Variants in BRAF observed in about 807,000 individuals in gnomAD.
BRAF encodes serine/threonine-protein kinase B-raf.
Under a neutral mutation model 104.6 loss-of-function variants are expected in BRAF, and 16 were observed. That is an observed-to-expected ratio of 0.15 (90% CI 0.10 to 0.23). The LOEUF (loss-of-function observed/expected upper bound fraction) is 0.23, where lower values mean the gene tolerates loss of function less well. Ranked by LOEUF, BRAF falls within the 10% of genes least tolerant of loss-of-function variation. The pLI is 1.00. For missense variants in BRAF, 541 were observed against 937.3 expected (o/e 0.58, Z 5.52); for synonymous variants, 310 against 341.6 (o/e 0.91, Z 1.02).
intron 5 of BRAF, 119 bp downstream of exon 5, chr7:140,807,841 C>A: frequency 5.6e-6 from 4 of 709,604 alleles, no homozygotes; most frequent in South Asian, 5.3e-5. Flanking sequence ...CTGATTTCAA[C>A]TCAGGTAAAA....
At chr7:140,836,203 G>C (rs1289513708) in intron 2 of BRAF, 2 of 152,130 alleles carry the variant, frequency 1.3e-5, no homozygotes, top group Non-Finnish European at 2.9e-5. Context: ...CATAGCAAAA[G>C]ATCAATATAT....
rs377670960 is a variant in BRAF, at chr7:140,919,453, A to T, written c.138+5113T>A. ...CATAGTCTTGATACAGGAAGGAATT[A>T]GAATAATAGTTTTTTTTTTTAAGCC... On this transcript the variant is annotated intron_variant, in intron 1 of 19. Coordinates refer to ENST00000644969, the MANE Select transcript of BRAF (RefSeq NM_001374258.1). 7.9e-5 allele frequency among the ~76,000 whole-genome samples: 12 copies of T among 152,274 alleles called. 1 individual carries two copies. In the South Asian group the frequency reaches 8.3e-4, roughly 11 times the overall value.
At chr7:140,863,162 T>G (rs982981873) in intron 1 of BRAF, among the ~76,000 whole-genome samples, 3 of 151,762 alleles carry the variant, frequency 2.0e-5, no homozygotes, top group African/African-American at 7.3e-5. Context: ...TTTATAAAGA[T>G]AAAACAAATG....
intron 1 of BRAF, among the ~76,000 whole-genome samples, chr7:140,853,708 T>C (rs1809450052): frequency 6.6e-6 from 1 of 152,218 alleles, no homozygotes; most frequent in Non-Finnish European, 1.5e-5. Flanking sequence ...CCTTCTCATT[T>C]AGAAAGGCTC....
chr7:140,762,945 A>T (rs1460088715), intron 14 of BRAF, among the ~76,000 whole-genome samples: 2 of 152,226 alleles, frequency 1.3e-5, no homozygotes, highest in Non-Finnish European at 2.9e-5. Context: ...GATCAACAGG[A>T]TCACAAGGCA....
chr7:140,730,364 G>A (rs1416926224), intron 19 of BRAF, among the ~76,000 whole-genome samples: 1 of 151,784 alleles, frequency 6.6e-6, no homozygotes, highest in East Asian at 1.9e-4. Context: ...GATAATTTAA[G>A]CTGCATCTTC....
chr7:140,805,047 G>A (rs1268727489), intron 5 of BRAF, among the ~76,000 whole-genome samples: 2 of 151,850 alleles, frequency 1.3e-5, no homozygotes, highest in Non-Finnish European at 2.9e-5. Context: ...CAAGTGATCT[G>A]CCTGCCTCGG....
intron 8 of BRAF, among the ~76,000 whole-genome samples, chr7:140,791,435 G>A (rs997182755): frequency 1.3e-5 from 2 of 152,024 alleles, no homozygotes; most frequent in Non-Finnish European, 2.9e-5. Flanking sequence ...GTTATCTGGG[G>A]CTAGACTTAG....
At chr7:140,858,412 A>G (rs1423566482) in intron 1 of BRAF, among the ~76,000 whole-genome samples, 1 of 152,250 alleles carries the variant, frequency 6.6e-6, no homozygotes, top group Non-Finnish European at 1.5e-5. Flanking sequence ...AACATTCTCT[A>G]AGACATTTTT....
Position 140,843,776 on chromosome 7 carries a change from C to T in BRAF, c.240+6335G>A, listed in dbSNP as rs566661185. ...ATCCCAGCACTTTGGGAGGCTGAGGCGGGCGGATCACGAGGTCAGGAGATC... is the reference window on the plus strand; with the variant it reads ...ATCCCAGCACTTTGGGAGGCTGAGGTGGGCGGATCACGAGGTCAGGAGATC... On this transcript the variant is annotated intron_variant, in intron 2 of 19. Transcript: ENST00000644969. Among the ~76,000 whole-genome samples, 8 of 152,144 alleles carry T rather than the reference C, an allele frequency of 5.3e-5. No homozygotes were observed. The South Asian group carries it at 1.4e-3, about 28-fold the overall frequency.
rs189368839 is a variant in BRAF, at chr7:140,773,942, A to G, written c.1814+2970T>C. Among the ~76,000 whole-genome samples the G allele has an allele frequency of 3.3e-5, 5 of 152,272 alleles. No homozygotes were observed. The East Asian group carries it at 7.7e-4, about 24-fold the overall frequency. ...TCCATGCTTTAAAAAAAATTCCTTTATTACAGTTTTAGTGGAGTTCCAGGA... is the reference window on the plus strand; with the variant it reads ...TCCATGCTTTAAAAAAAATTCCTTTGTTACAGTTTTAGTGGAGTTCCAGGA... On this transcript the variant is annotated intron_variant, in intron 14 of 19. Coordinates refer to ENST00000644969, the MANE Select transcript of BRAF (RefSeq NM_001374258.1).
intron 3 of BRAF, among the ~76,000 whole-genome samples, chr7:140,827,358 T>G (rs555766488): frequency 1.3e-5 from 2 of 152,062 alleles, no homozygotes; most frequent in Non-Finnish European, 2.9e-5. Flanking sequence ...AGTGCCTGAG[T>G]GCTATTACCA....
chr7:140,858,186 T>C (rs1810012817), intron 1 of BRAF, among the ~76,000 whole-genome samples: 1 of 152,134 alleles, frequency 6.6e-6, no homozygotes, highest in Non-Finnish European at 1.5e-5. Context: ...GGGGAAAACA[T>C]ACCTTCAAGT....
chr7:140,812,160 C>CTGTGTGTGTGTGTGTGTGTGTG (rs201757515), intron 3 of BRAF, among the ~76,000 whole-genome samples: 54 of 140,628 alleles, frequency 3.8e-4, no homozygotes, highest in Admixed American at 1.0e-3. Context: ...GCATGCACAC[C>CTGTGTGTGTGTGTGTGTGTGTG]TGTGTGTGTG....
intron 1 of BRAF, among the ~76,000 whole-genome samples, chr7:140,897,295 T>C (rs535819485): frequency 9.2e-5 from 14 of 151,850 alleles, no homozygotes; most frequent in East Asian, 7.7e-4. Context: ...AAATGAGAGG[T>C]TGCTTTACAA....
chr7:140,871,352 A>G (rs561857297), intron 1 of BRAF, among the ~76,000 whole-genome samples: 16 of 152,176 alleles, frequency 1.1e-4, no homozygotes, highest in Middle Eastern at 3.4e-3. Flanking sequence ...CTGTCTGGAC[A>G]CTATGGCCAG....
At chr7:140,875,258 C>G (rs1382556192) in intron 1 of BRAF, among the ~76,000 whole-genome samples, 1 of 152,084 alleles carries the variant, frequency 6.6e-6, no homozygotes, top group African/African-American at 2.4e-5. Flanking sequence ...AAAGCCTTCC[C>G]AAATCTGACA....
At chr7:140,752,642 G>T (rs533054643) in intron 16 of BRAF, among the ~76,000 whole-genome samples, 22 of 152,266 alleles carry the variant, frequency 1.4e-4, no homozygotes, top group African/African-American at 5.1e-4. Context: ...AAAGAGCTAT[G>T]CAAGACAGCA....
chr7:140,888,556 C>T (rs898857768), intron 1 of BRAF, among the ~76,000 whole-genome samples: 4 of 152,030 alleles, frequency 2.6e-5, no homozygotes, highest in African/African-American at 9.7e-5. Flanking sequence ...AATGATCTAG[C>T]GCGGGTGCAG....
Sources: gnomAD v4.1 joint callset for allele counts (sites outside exome capture counted in the v4.1 genomes callset) on GRCh38, gnomAD v4.1.1 for gene constraint, MANE v1.5 for transcripts, NCBI Gene and HGNC (gene_info 2026-07-23, HGNC 2026-07-21) for gene names.